Variants in DTNB observed in about 807,000 individuals in gnomAD.
DTNB encodes the protein dystrobrevin beta, also known as DTN-B.
DTNB carries 63 observed loss-of-function variants against 90.7 expected under a neutral mutation model. The observed-to-expected ratio is 0.69, with a 90% CI of 0.57 to 0.86. DTNB has a LOEUF of 0.86. Ranked by LOEUF, DTNB falls within the 40% of genes least tolerant of loss-of-function variation. The pLI is 0.00. For missense variants in DTNB, 744 were observed against 807.1 expected (o/e 0.92, Z 0.95); for synonymous variants, 277 against 286.7 (o/e 0.97, Z 0.34).
chr2:25,532,408 CT>C (rs2078411422), intron 8 of DTNB, among the ~76,000 whole-genome samples: 1 of 152,056 alleles, frequency 6.6e-6, no homozygotes, highest in Non-Finnish European at 1.5e-5. Flanking sequence ...TATTAGGGGT[CT>C]GGTTATGCAG....
At position 25,465,097 on chromosome 2, in the gene DTNB, G is replaced by A. The variant is rs372143784; in HGVS notation, c.1080-9603C>T. Among the ~76,000 whole-genome samples the A allele has an allele frequency of 2.6e-5, 4 of 152,250 alleles. No individual in the cohort carries two copies. The East Asian group carries it at 5.8e-4, about 22-fold the overall frequency. On this transcript the variant is annotated intron_variant, in intron 10 of 20. Transcript: ENST00000406818. ...TAGCAATATTAGAAGAAACAGGGCC[G>A]GGTGCGGTGGCTCATACCTGTAATC...
intron 16 of DTNB, among the ~76,000 whole-genome samples, chr2:25,402,194 G>A (rs1297547736): frequency 6.6e-6 from 1 of 152,184 alleles, no homozygotes; most frequent in Admixed American, 6.5e-5. Context: ...AGAGGTGATG[G>A]GGCTATCTGA....
At chr2:25,493,020 T>C (rs966813075) in intron 9 of DTNB, among the ~76,000 whole-genome samples, 1 of 152,178 alleles carries the variant, frequency 6.6e-6, no homozygotes, top group African/African-American at 2.4e-5. Flanking sequence ...TTTAAATTTA[T>C]TGGCGCATTA....
intron 4 of DTNB, among the ~76,000 whole-genome samples, chr2:25,613,657 G>T (rs2069286080): frequency 6.7e-6 from 1 of 149,626 alleles, no homozygotes; most frequent in African/African-American, 2.5e-5. Context: ...ATCAAATGTA[G>T]GAAAAAAAAA....
At chr2:25,533,978 A>T (rs1575467531) in intron 8 of DTNB, among the ~76,000 whole-genome samples, 1 of 147,256 alleles carries the variant, frequency 6.8e-6, no homozygotes, top group East Asian at 2.0e-4. Flanking sequence ...ATTTTTTGGA[A>T]ATGCAGCGTT....
intron 16 of DTNB, among the ~76,000 whole-genome samples, chr2:25,392,155 TC>T (rs542834056): frequency 6.6e-6 from 1 of 152,166 alleles, no homozygotes; most frequent in Admixed American, 6.5e-5. Flanking sequence ...ACGCCTGTAA[TC>T]CCAGCACTTT....
intron 9 of DTNB, among the ~76,000 whole-genome samples, chr2:25,501,736 G>A (rs768469369): frequency 2.0e-5 from 3 of 152,108 alleles, no homozygotes; most frequent in African/African-American, 4.8e-5. Flanking sequence ...AAGGAGAGGC[G>A]ATAGTATCTA....
intron 4 of DTNB, among the ~76,000 whole-genome samples, chr2:25,619,248 C>T (rs150864804): frequency 1.5e-3 from 229 of 152,242 alleles, no homozygotes; most frequent in Non-Finnish European, 2.4e-3. Context: ...ATTTCTCACA[C>T]GGAAACAAAC....
intron 16 of DTNB, among the ~76,000 whole-genome samples, chr2:25,406,972 A>G (rs1478835002): frequency 6.6e-6 from 1 of 152,222 alleles, no homozygotes. Flanking sequence ...TCCAATGTGA[A>G]AGCAATTAAC....
At chr2:25,480,375 C>G (rs1478004990) in intron 10 of DTNB, among the ~76,000 whole-genome samples, 1 of 152,184 alleles carries the variant, frequency 6.6e-6, no homozygotes, top group Non-Finnish European at 1.5e-5. Context: ...TGGCTAAACA[C>G]TGACTTTAAG....
intron 1 of DTNB, among the ~76,000 whole-genome samples, chr2:25,659,892 A>AG (rs2082806864): frequency 6.6e-6 from 1 of 152,232 alleles, no homozygotes; most frequent in Non-Finnish European, 1.5e-5. Flanking sequence ...CAACAAAGGC[A>AG]GAAAAAAAGG....
chr2:25,570,281 G>A (rs892737580), intron 8 of DTNB, among the ~76,000 whole-genome samples: 5 of 151,470 alleles, frequency 3.3e-5, no homozygotes, highest in Non-Finnish European at 7.4e-5. Flanking sequence ...GGTGGCACAC[G>A]ACTGTAGTCC....
At position 25,387,049 on chromosome 2, in the gene DTNB, C is replaced by T; in HGVS notation, c.1825+240G>A. The stretch of plus-strand genomic sequence containing the variant: ...AAGGTCTGAATTTCTCTACATTCAG[C>T]TTGCTCCACAAGATGCACTCCTGAG... On this transcript the variant is annotated intron_variant, in intron 18 of 20. Transcript: ENST00000406818. The surrounding 1 kb of genome is among the most constrained non-coding windows in gnomAD (Gnocchi z 4.5). 4.2e-6 allele frequency: 2 copies of T among 477,232 alleles called. No homozygotes were observed. Among genetic ancestry groups the T allele is most frequent in the South Asian group, 3.5e-5 (1 of 28,800 alleles). 29.6% of individuals were successfully genotyped at this position (477,232 alleles called of 1,614,324 possible).
rs891669368 is a variant in DTNB, at chr2:25,557,776, G to A, written c.876+19062C>T. 2.0e-5 allele frequency among the ~76,000 whole-genome samples: 3 copies of A among 152,240 alleles called. No individual in the cohort carries two copies. In the East Asian group the frequency reaches 5.8e-4, roughly 29 times the overall value. On this transcript the variant is annotated intron_variant, in intron 8 of 20. Transcript: ENST00000406818. ...ACAAAGAGGTAAAAAATTGAGACAG[G>A]GGTAAAACTATCAGAAAGTGATTCA...
At chr2:25,389,354 A>G (rs1000027128) in intron 16 of DTNB, among the ~76,000 whole-genome samples, 1 of 152,240 alleles carries the variant, frequency 6.6e-6, no homozygotes, top group Non-Finnish European at 1.5e-5. Flanking sequence ...AAGCGGGGCC[A>G]TGGGGCCAGT....
intron 16 of DTNB, among the ~76,000 whole-genome samples, chr2:25,417,937 T>C (rs2048366641): frequency 6.6e-6 from 1 of 152,026 alleles, no homozygotes; most frequent in Non-Finnish European, 1.5e-5. Flanking sequence ...CCCCTTGAGG[T>C]GAAGTGTGGT....
intron 12 of DTNB, among the ~76,000 whole-genome samples, chr2:25,438,541 A>AT (rs1275617535): frequency 1.3e-5 from 2 of 152,166 alleles, no homozygotes; most frequent in Non-Finnish European, 2.9e-5. Context: ...AAATTTGATT[A>AT]TATGTGTTAA....
rs532490065 is a variant in DTNB at position 25,522,627 on chromosome 2, A to G, written c.1001+8846T>C. On this transcript the variant is annotated intron_variant, in intron 9 of 20. Coordinates refer to ENST00000406818, the MANE Select transcript of DTNB (RefSeq NM_021907.5). ...GCCACTTAAAAGCACTTTCTCATAC[A>G]TTATCTTAAAAAAATCCTGAGACAA... Among the ~76,000 whole-genome samples the G allele has an allele frequency of 2.0e-5, 3 of 152,202 alleles. No homozygotes were observed. In the East Asian group the frequency reaches 5.8e-4, roughly 29 times the overall value.
intron 4 of DTNB, among the ~76,000 whole-genome samples, chr2:25,615,703 G>A (rs904388000): frequency 6.6e-6 from 1 of 152,106 alleles, no homozygotes; most frequent in Admixed American, 6.5e-5. Flanking sequence ...AGGGTCTCAG[G>A]GGCTCTGTGC....
Sources: allele counts gnomAD v4.1 joint callset (sites outside exome capture counted in the v4.1 genomes callset), GRCh38; gene constraint gnomAD v4.1.1; non-coding constraint Gnocchi (gnomAD v3.1); transcripts MANE v1.5; gene names NCBI Gene and HGNC (gene_info 2026-07-23, HGNC 2026-07-21).